Variants in ZBTB24 observed in about 807,000 individuals in gnomAD.
ZBTB24 encodes zinc finger and BTB domain-containing protein 24.
In ZBTB24, 32 loss-of-function variants were observed where a neutral mutation model predicts 53.8. The ratio of observed to expected loss-of-function variants is 0.60; its 90% CI spans 0.45 to 0.80. The LOEUF (loss-of-function observed/expected upper bound fraction) is 0.80. Among genes scored for constraint, ZBTB24 ranks in the 30% least tolerant of loss-of-function variants. The probability of loss-of-function intolerance (pLI) is 0.00; values close to 1 mark genes in which losing one functional copy is unlikely to be tolerated. For synonymous variants in ZBTB24, 297 were observed against 306.7 expected (o/e 0.97, Z 0.33); for missense variants, 722 against 837.1 (o/e 0.86, Z 1.70).
chr6:109,476,033 T>G, intron 4 of ZBTB24, 142 bp downstream of exon 4: 1 of 818,972 alleles, frequency 1.2e-6, no homozygotes, highest in Admixed American at 2.8e-5. Context: ...AACATGTAAT[T>G]TAGACTCTTA....
chr6:109,468,297 G>A (rs1327751823), intron 5 of ZBTB24, among the ~76,000 whole-genome samples: 2 of 151,936 alleles, frequency 1.3e-5, no homozygotes, highest in African/African-American at 4.8e-5. Flanking sequence ...GGCCACCAGA[G>A]TGAGCCTTGA....
Position 109,466,228 on chromosome 6 carries a change from T to C in ZBTB24, c.1717A>G (p.Ile573Val). The C allele has an allele frequency of 6.2e-7, 1 of 1,614,236 alleles. No homozygotes were observed. Among genetic ancestry groups the C allele is most frequent in the Non-Finnish European group, 8.5e-7 (1 of 1,180,038 alleles). Reference sequence around the variant, plus strand: ...GAACTCTCTGCAGTCACAATGCTGATTCCCTGGCTAGGACCGGGCATGAAA... The same window carrying C: ...GAACTCTCTGCAGTCACAATGCTGACTCCCTGGCTAGGACCGGGCATGAAA... Reference protein sequence around the residue: ...INFMPGPSQGISIVTAESSQN... With the variant: ...INFMPGPSQGVSIVTAESSQN... The change falls in exon 7 of 7, where the codon ATC becomes GTC. Residue 573 changes from isoleucine to valine, a missense_variant. Physicochemically the swap from Ile to Val is conservative, Grantham distance 29 (BLOSUM62 3). Transcript: ENST00000230122.
At chr6:109,477,322 T>G (rs1250187340) in intron 2 of ZBTB24, among the ~76,000 whole-genome samples, 1 of 152,096 alleles carries the variant, frequency 6.6e-6, no homozygotes, top group Admixed American at 6.5e-5. Context: ...AATTGTAATT[T>G]TAATTTTTTT....
intron 5 of ZBTB24, 109 bp downstream of exon 5, chr6:109,475,290 A>T: frequency 7.5e-7 from 1 of 1,328,002 alleles, no homozygotes; most frequent in Non-Finnish European, 1.1e-6. Context: ...CATCCAATTT[A>T]TAATAAACAT....
Position 109,465,946 on chromosome 6 carries a change from G to A in ZBTB24, c.1999C>T (p.Pro667Ser). ...TGTGTCAGCTGCAGGTGCTGAGCTG[G>A]ATCTGAAGTACTTGTAGCTAAATGG... ...ELHLATSTSD[P>S]AQHLQLTQEP... is the part of the protein sequence containing the mutation. The change falls in exon 7 of 7, where the codon CCA becomes TCA. Residue 667 changes from proline (P) to serine (S), a missense_variant. Pro to Ser is a moderately conservative substitution (Grantham distance 74). Coordinates refer to ENST00000230122, the MANE Select transcript of ZBTB24 (RefSeq NM_014797.3). 6.2e-7 allele frequency: 1 copy of A among 1,614,190 alleles called. No homozygotes were observed. The highest frequency in any genetic ancestry group is 1.1e-5 in the South Asian group (1 of 91,084).
chr6:109,472,312 C>T (rs566179639), intron 5 of ZBTB24, among the ~76,000 whole-genome samples: 1 of 152,266 alleles, frequency 6.6e-6, no homozygotes, highest in East Asian at 1.9e-4. Flanking sequence ...ATTTCTAAGT[C>T]ATGCAAACCA....
At chr6:109,467,928 G>A (rs1402847239) in intron 5 of ZBTB24, among the ~76,000 whole-genome samples, 194 bp from the exon 6 acceptor site, 1 of 152,144 alleles carries the variant, frequency 6.6e-6, no homozygotes, top group Non-Finnish European at 1.5e-5. Context: ...AGCACTGTGT[G>A]CCGAGTGCCA....
chr6:109,466,725 C>T, intron 6 of ZBTB24, 151 bp from the exon 7 acceptor site: 1 of 1,154,768 alleles, frequency 8.7e-7, no homozygotes, highest in Non-Finnish European at 1.2e-6. Context: ...GGACTTGAAG[C>T]AAGTCTCGCT....
intron 3 of ZBTB24, 59 bp from the exon 4 acceptor site, chr6:109,476,317 A>G: frequency 6.3e-7 from 1 of 1,580,654 alleles, no homozygotes; most frequent in South Asian, 1.1e-5. Flanking sequence ...TGGAATGCTC[A>G]CTAATAAGGT....
rs1373029904 is a variant in ZBTB24 at position 109,466,404 on chromosome 6, T to C, written c.1541A>G (p.Lys514Arg). Residue 514 changes from lysine (K) to arginine (R), a missense_variant, in exon 7 of 7, where the codon AAG becomes AGG. Physicochemically the swap from Lys to Arg is conservative, Grantham distance 26 (BLOSUM62 2). Transcript: ENST00000230122. ...GCTGGCATCTGAAGCATGCTTCTCC[T>C]TGCTATGAATTTTCAAGTGAGCCTT... ...NLKAHLKIHS[K>R]EKHASDASSI... 1.9e-6 allele frequency: 3 copies of C among 1,614,202 alleles called. No homozygotes were observed. In the South Asian group the frequency reaches 3.3e-5, roughly 18 times the overall value.
At chr6:109,470,993 C>T (rs1470968046) in intron 5 of ZBTB24, among the ~76,000 whole-genome samples, 1 of 152,196 alleles carries the variant, frequency 6.6e-6, no homozygotes, top group Non-Finnish European at 1.5e-5. Context: ...GGCTGTTAAG[C>T]TTGTTAAGTT....
intron 2 of ZBTB24, 114 bp downstream of exon 2, chr6:109,480,961 A>G (rs928036643): frequency 6.5e-7 from 1 of 1,533,702 alleles, no homozygotes; most frequent in African/African-American, 1.4e-5. Context: ...ACATGTATAA[A>G]GGCTTTATTA....
intron 5 of ZBTB24, among the ~76,000 whole-genome samples, chr6:109,474,211 A>AT (rs1776230440): frequency 6.6e-6 from 1 of 152,118 alleles, no homozygotes; most frequent in Non-Finnish European, 1.5e-5. Context: ...GAATAGGCTT[A>AT]TTTTTAACAT....
At chr6:109,476,063 C>T (rs1166121469) in intron 4 of ZBTB24, 112 bp downstream of exon 4, 2 of 1,190,662 alleles carry the variant, frequency 1.7e-6, no homozygotes, top group Non-Finnish European at 2.4e-6. Context: ...TCCCTAAATA[C>T]CCTATGTGAA....
chr6:109,479,559 C>G (rs554837493), intron 2 of ZBTB24, among the ~76,000 whole-genome samples: 14 of 152,320 alleles, frequency 9.2e-5, no homozygotes, highest in Non-Finnish European at 1.9e-4. Context: ...AAGAACGATC[C>G]TACATGCTTT....
intron 5 of ZBTB24, among the ~76,000 whole-genome samples, chr6:109,474,884 A>G (rs1018650423): frequency 1.1e-4 from 16 of 151,966 alleles, no homozygotes; most frequent in Non-Finnish European, 2.1e-4. Context: ...CAAAAATTAA[A>G]AAATAAAAAA....
intron 5 of ZBTB24, among the ~76,000 whole-genome samples, chr6:109,472,029 C>A (rs1776177764): frequency 6.6e-6 from 1 of 152,152 alleles, no homozygotes; most frequent in South Asian, 2.1e-4. Context: ...GTGCTTGGTG[C>A]AGGACATCTA....
chr6:109,474,012 C>A (rs777185816), intron 5 of ZBTB24, among the ~76,000 whole-genome samples: 4 of 151,126 alleles, frequency 2.6e-5, no homozygotes, highest in Non-Finnish European at 5.9e-5. Flanking sequence ...TTGCTTGAAC[C>A]CAGCAGGCAG....
At chr6:109,482,675 C>T (rs2115368493) in intron 1 of ZBTB24, among the ~76,000 whole-genome samples, 1 of 152,084 alleles carries the variant, frequency 6.6e-6, no homozygotes, top group Admixed American at 6.5e-5. Context: ...CAGGGTCTAC[C>T]TTCTATAAAA....
Sources: gnomAD v4.1 joint callset for allele counts (sites outside exome capture counted in the v4.1 genomes callset) on GRCh38, gnomAD v4.1.1 for gene constraint, MANE v1.5 for transcripts, NCBI Gene and HGNC (gene_info 2026-07-23, HGNC 2026-07-21) for gene names.